KIFAP3: variants seen among roughly 807,000 people sequenced by gnomAD.
KIFAP3 encodes kinesin-associated protein 3.
In KIFAP3, 68 loss-of-function variants were observed where a neutral mutation model predicts 106.5. That is an observed-to-expected ratio of 0.64 (90% CI 0.53 to 0.78). The LOEUF (loss-of-function observed/expected upper bound fraction) is 0.78, where lower values mean the gene tolerates loss of function less well. KIFAP3 is among the 30% of genes least tolerant of loss of function. The pLI is 0.00. For synonymous variants in KIFAP3, 320 were observed against 311.5 expected (o/e 1.03, Z -0.29); for missense variants, 780 against 941.8 (o/e 0.83, Z 2.25).
chr1:170,049,549 T>A (rs909217165), intron 2 of KIFAP3, among the ~76,000 whole-genome samples: 6 of 152,134 alleles, frequency 3.9e-5, no homozygotes, highest in Non-Finnish European at 8.8e-5. Context: ...GGGAGAGACC[T>A]CCCAACAGGG....
chr1:170,000,340 A>C (rs1375303947), intron 10 of KIFAP3, among the ~76,000 whole-genome samples: 2 of 152,156 alleles, frequency 1.3e-5, no homozygotes, highest in Non-Finnish European at 2.9e-5. Flanking sequence ...CTCCATGAAA[A>C]GATAATAGAA....
At chr1:169,941,806 TG>T (rs1437809831) in intron 19 of KIFAP3, among the ~76,000 whole-genome samples, 1 of 152,194 alleles carries the variant, frequency 6.6e-6, no homozygotes, top group Non-Finnish European at 1.5e-5. Context: ...ATATTTAACC[TG>T]TATTAACTGA....
chr1:170,050,112 C>T (rs963936971), intron 2 of KIFAP3, among the ~76,000 whole-genome samples: 10 of 152,016 alleles, frequency 6.6e-5, no homozygotes, highest in Non-Finnish European at 1.5e-4. Context: ...GTTACAGGAA[C>T]TGATAACTAG....
At position 170,039,285 on chromosome 1, in the gene KIFAP3, T is replaced by A; in HGVS notation, c.323A>T (p.Lys108Ile). The A allele has an allele frequency of 6.3e-7, 1 of 1,592,342 alleles. No individual in the cohort carries two copies. Among genetic ancestry groups the A allele is most frequent in the South Asian group, 1.1e-5 (1 of 88,494 alleles). The stretch of plus-strand genomic sequence containing the variant: ...TTTAGGCTTGCTTGATTTTTCTTTT[T>A]TCTCTGTAAAAAGATTTTTTTTTAA... ...NRRDSLSGKEKKEKSSKPKDP... is the reference protein window; with the variant it reads ...NRRDSLSGKEIKEKSSKPKDP... The change falls in exon 4 of 20, where the codon AAA (lysine) becomes ATA (isoleucine). Residue 108 changes from lysine to isoleucine, a missense_variant. By Grantham distance (102) the Lys-to-Ile change is moderately radical. This residue lies in a region of KIFAP3 where 588 missense variants were observed against 678.9 expected (regional missense o/e 0.87). Transcript: ENST00000361580.
chr1:170,037,111 T>A (rs1225242209), intron 5 of KIFAP3, among the ~76,000 whole-genome samples: 1 of 152,202 alleles, frequency 6.6e-6, no homozygotes, highest in African/African-American at 2.4e-5. Context: ...GGTATTGGTA[T>A]GTATATCATC....
chr1:169,982,950 A>C, intron 13 of KIFAP3, 83 bp from the exon 14 acceptor site: 7 of 787,906 alleles, frequency 8.9e-6, no homozygotes, highest in Non-Finnish European at 1.1e-5. Flanking sequence ...AATTTAACTC[A>C]TTGAAAGAAA....
chr1:169,960,838 G>C (rs533734148), intron 18 of KIFAP3, among the ~76,000 whole-genome samples: 56 of 147,838 alleles, frequency 3.8e-4, no homozygotes, highest in African/African-American at 1.4e-3. Context: ...CAGCGTTTTA[G>C]GGAGATTCCA....
intron 5 of KIFAP3, 88 bp from the exon 6 acceptor site, chr1:170,035,641 A>G (rs950368275): frequency 1.4e-5 from 10 of 732,054 alleles, no homozygotes; most frequent in African/African-American, 1.8e-5. Context: ...TTATTAATGA[A>G]TAATAAAGCT....
At chr1:169,922,609 A>C (rs1209446110) in intron 19 of KIFAP3, among the ~76,000 whole-genome samples, 2 of 152,218 alleles carry the variant, frequency 1.3e-5, no homozygotes, top group Non-Finnish European at 2.9e-5. Context: ...TTTAAAGGTC[A>C]GGGAATTATC....
chr1:170,067,939 A>G (rs1376198972), intron 1 of KIFAP3: 1 of 152,214 alleles, frequency 6.6e-6, no homozygotes, highest in Non-Finnish European at 1.5e-5. Context: ...ATACCCAGAA[A>G]AAACCTGGGA....
intron 10 of KIFAP3, among the ~76,000 whole-genome samples, chr1:169,998,395 T>TACACACAC (rs1470341374): frequency 1.2e-5 from 1 of 81,346 alleles, no homozygotes; most frequent in South Asian, 3.9e-4. Context: ...TATATATATA[T>TACACACAC]ATATACACAC....
chr1:170,012,091 A>G lies in KIFAP3; in HGVS notation c.1183+4371T>C, dbSNP rs1192123279. Among the ~76,000 whole-genome samples the G allele has an allele frequency of 2.0e-5, 3 of 152,278 alleles. No individual in the cohort carries two copies. In the East Asian group the frequency reaches 5.8e-4, roughly 29 times the overall value. ...TCATTTGTAATTCATTTTTTAAAAA[A>G]TATACAATTCAAATAAGTTCAGTTG... On this transcript the variant is annotated intron_variant, in intron 10 of 19. Transcript: ENST00000361580.
intron 11 of KIFAP3, among the ~76,000 whole-genome samples, chr1:169,991,259 A>C (rs1248423992): frequency 5.9e-5 from 9 of 151,924 alleles, no homozygotes; most frequent in Admixed American, 5.9e-4. Context: ...AGGCAGGAGG[A>C]TTGCTTGAGC....
At chr1:169,985,262 T>C (rs958799347) in intron 11 of KIFAP3, among the ~76,000 whole-genome samples, 1 of 151,830 alleles carries the variant, frequency 6.6e-6, no homozygotes, top group Non-Finnish European at 1.5e-5. Flanking sequence ...TTACCCAGTG[T>C]AGAAAATAGA....
intron 2 of KIFAP3, among the ~76,000 whole-genome samples, chr1:170,049,813 C>A (rs1171939401): frequency 6.6e-6 from 1 of 151,164 alleles, no homozygotes; most frequent in Non-Finnish European, 1.5e-5. Context: ...AAACACCACC[C>A]CCCCCCAAAA....
intron 3 of KIFAP3, among the ~76,000 whole-genome samples, chr1:170,046,210 C>CAAAAAAAAAAAAAAAAAGAA (rs1670241810): frequency 1.8e-5 from 1 of 56,928 alleles, no homozygotes; most frequent in African/African-American, 6.8e-5. Flanking sequence ...TTCTCTGCTG[C>CAAAAAAAAAAAAAAAAAGAA]AAAAAAAAAA....
At chr1:169,963,496 T>C (rs538921472) in intron 17 of KIFAP3, among the ~76,000 whole-genome samples, 1 of 149,996 alleles carries the variant, frequency 6.7e-6, no homozygotes, top group African/African-American at 2.5e-5. Flanking sequence ...TTCTTTTACC[T>C]TTTTTTTGTT....
intron 1 of KIFAP3, among the ~76,000 whole-genome samples, chr1:170,062,114 T>C (rs1671193269): frequency 6.6e-6 from 1 of 151,780 alleles, no homozygotes; most frequent in African/African-American, 2.4e-5. Flanking sequence ...TATACCTATG[T>C]AACAAACCTG....
At chr1:170,060,947 T>G (rs1238286403) in intron 1 of KIFAP3, among the ~76,000 whole-genome samples, 3 of 152,218 alleles carry the variant, frequency 2.0e-5, no homozygotes, top group Admixed American at 6.5e-5. Flanking sequence ...CTGGGAAAAC[T>G]GGCTAGCCAT....
Sources: gnomAD v4.1 joint callset for allele counts (sites outside exome capture counted in the v4.1 genomes callset) on GRCh38, gnomAD v4.1.1 for gene constraint, gnomAD v4.1.1 regional missense constraint, MANE v1.5 for transcripts, NCBI Gene and HGNC (gene_info 2026-07-23, HGNC 2026-07-21) for gene names.